NFIB: variants seen among roughly 807,000 people sequenced by gnomAD.
The protein encoded by NFIB is nuclear factor 1 B-type.
In NFIB, 11 loss-of-function variants were observed where a neutral mutation model predicts 61.5. The ratio of observed to expected loss-of-function variants is 0.18; its 90% CI spans 0.11 to 0.30. The LOEUF is 0.30. NFIB is among the 10% of genes least tolerant of loss of function. NFIB has a pLI of 1.00. For missense variants in NFIB, 471 were observed against 608.9 expected (o/e 0.77, Z 2.38); for synonymous variants, 260 against 216.5 (o/e 1.20, Z -1.76).
At chr9:14,262,589 T>A (rs973515672) in intron 2 of NFIB, among the ~76,000 whole-genome samples, 1 of 152,044 alleles carries the variant, frequency 6.6e-6, no homozygotes, top group Non-Finnish European at 1.5e-5. Context: ...AGGGTTAGAA[T>A]TGAGACAAGG....
chr9:14,175,019 T>C (rs1471515121), intron 3 of NFIB, among the ~76,000 whole-genome samples: 1 of 152,094 alleles, frequency 6.6e-6, no homozygotes, highest in Non-Finnish European at 1.5e-5. Context: ...TGACAATGAA[T>C]ACTGAAGATT....
At position 14,157,556 on chromosome 9, in the gene NFIB, C is replaced by T. The variant is rs373877566; in HGVS notation, c.617-1663G>A. On this transcript the variant is annotated intron_variant, in intron 3 of 10. Transcript: ENST00000380953. Reference sequence around the variant, plus strand: ...TATAACAAAATGTCCCAATTTAATGCACTTCTATTTTAAGAAACTCTTATT... The same window carrying T: ...TATAACAAAATGTCCCAATTTAATGTACTTCTATTTTAAGAAACTCTTATT... Among the ~76,000 whole-genome samples, 25 of 152,212 alleles carry T rather than the reference C, an allele frequency of 1.6e-4. No individual in the cohort carries two copies. In the South Asian group the frequency reaches 1.7e-3, roughly 10 times the overall value.
chr9:14,366,512 G>C (rs1415042932), intron 1 of NFIB, among the ~76,000 whole-genome samples: 1 of 151,678 alleles, frequency 6.6e-6, no homozygotes, highest in Middle Eastern at 3.4e-3. Flanking sequence ...TTGAGACAGA[G>C]TCTTGCTCTG....
chr9:14,161,963 G>A (rs1281895529), intron 3 of NFIB, among the ~76,000 whole-genome samples: 4 of 152,116 alleles, frequency 2.6e-5, no homozygotes, highest in Admixed American at 1.3e-4. Flanking sequence ...GTAGGGATTT[G>A]TTTTTAATTG....
intron 2 of NFIB, among the ~76,000 whole-genome samples, chr9:14,254,438 C>A (rs904668288): frequency 4.6e-5 from 7 of 152,206 alleles, no homozygotes; most frequent in Non-Finnish European, 7.3e-5. Flanking sequence ...TAAACACTGA[C>A]TTGATATGGG....
chr9:14,082,993 C>T lies in NFIB; in HGVS notation c.*5316G>A, dbSNP rs960566547. 3.9e-5 allele frequency: 8 copies of T among 204,906 alleles called. No homozygotes were observed. The highest frequency in any genetic ancestry group is 1.5e-4 in the East Asian group (2 of 13,366). 12.7% of individuals were successfully genotyped at this position (204,906 alleles called of 1,614,324 possible). On this transcript the variant is annotated 3_prime_UTR_variant, in exon 11 of 11. Coordinates refer to ENST00000380953, the MANE Select transcript of NFIB (RefSeq NM_001190737.2). ...TCATCAAGGGCTTAGTCTAGTGTACCGGTAAGCTAGTGGCACTGAAGCGCT... is the reference window on the plus strand; with the variant it reads ...TCATCAAGGGCTTAGTCTAGTGTACTGGTAAGCTAGTGGCACTGAAGCGCT...
At chr9:14,119,829 T>C (rs1407829607) in intron 8 of NFIB, among the ~76,000 whole-genome samples, 1 of 151,976 alleles carries the variant, frequency 6.6e-6, no homozygotes, top group Non-Finnish European at 1.5e-5. Flanking sequence ...TCTAGGGGAG[T>C]GAGAAATGCT....
At chr9:14,172,064 T>C (rs1018718975) in intron 3 of NFIB, among the ~76,000 whole-genome samples, 2 of 152,060 alleles carry the variant, frequency 1.3e-5, no homozygotes, top group Non-Finnish European at 2.9e-5. Flanking sequence ...CTAAATCAAA[T>C]AAATATTCAG....
chr9:14,353,099 G>A (rs2061133490), intron 1 of NFIB, among the ~76,000 whole-genome samples: 1 of 152,150 alleles, frequency 6.6e-6, no homozygotes, highest in African/African-American at 2.4e-5. Flanking sequence ...ATGGGTTGGT[G>A]AGAATGGCAG....
chr9:14,230,413 C>T lies in NFIB; in HGVS notation c.563-50633G>A, dbSNP rs182591093. Among the ~76,000 whole-genome samples, 673 of 152,182 alleles carry T rather than the reference C, an allele frequency of 4.4e-3. 2 individuals carry two copies. Among genetic ancestry groups the T allele is most frequent in the Non-Finnish European group, 7.6e-3 (514 of 67,994 alleles). On this transcript the variant is annotated intron_variant, in intron 2 of 10. Transcript: ENST00000380953. ...AAATGCTATGAAGAAACTTAGAGAGCAACAGAAATGCAAAATAAAGGGCGC... is the reference window on the plus strand; with the variant it reads ...AAATGCTATGAAGAAACTTAGAGAGTAACAGAAATGCAAAATAAAGGGCGC...
chr9:14,170,092 T>C (rs772028888), intron 3 of NFIB, among the ~76,000 whole-genome samples: 2 of 152,206 alleles, frequency 1.3e-5, no homozygotes, highest in African/African-American at 2.4e-5. Flanking sequence ...TGCTTAAATA[T>C]ACAAGTGAGA....
At chr9:14,156,573 T>A (rs1035761678) in intron 3 of NFIB, among the ~76,000 whole-genome samples, 1 of 152,194 alleles carries the variant, frequency 6.6e-6, no homozygotes, top group African/African-American at 2.4e-5. Context: ...TGGTGGTGAA[T>A]CCAGGCCTCT....
intron 2 of NFIB, among the ~76,000 whole-genome samples, chr9:14,224,366 G>C (rs572638767): frequency 6.6e-6 from 1 of 152,296 alleles, no homozygotes; most frequent in South Asian, 2.1e-4. Flanking sequence ...GAACTAAAGA[G>C]AATATTTAGA....
Position 14,234,526 on chromosome 9 carries a change from C to G in NFIB, c.563-54746G>C, listed in dbSNP as rs537028011. On this transcript the variant is annotated intron_variant, in intron 2 of 10. Transcript: ENST00000380953. ...CTGGGATTACAGGCACGCACCACCA[C>G]GCCCAGCTAATTTTTGTATTTTTAG... Among the ~76,000 whole-genome samples the G allele has an allele frequency of 2.6e-5, 4 of 151,928 alleles. No individual in the cohort carries two copies. In the East Asian group the frequency reaches 7.7e-4, roughly 29 times the overall value.
chr9:14,356,917 TAGA>T (rs2061182874), intron 1 of NFIB, among the ~76,000 whole-genome samples: 1 of 152,254 alleles, frequency 6.6e-6, no homozygotes, highest in Admixed American at 6.5e-5. Flanking sequence ...CACTGATTTA[TAGA>T]AGCTCACTGA....
chr9:14,225,456 C>CAAAA (rs1228589594), intron 2 of NFIB, among the ~76,000 whole-genome samples: 43 of 57,954 alleles, frequency 7.4e-4, no homozygotes, highest in African/African-American at 1.0e-3. Flanking sequence ...GACTCCGTCT[C>CAAAA]AAAAAAAAAA....
chr9:14,498,239 G>C, the NFIB span, among the ~76,000 whole-genome samples: 1 of 152,190 alleles, frequency 6.6e-6, no homozygotes, highest in African/African-American at 2.4e-5. Context: ...TCCTTGGAAG[G>C]TCAGGAGAAG....
At position 14,082,463 on chromosome 9, in the gene NFIB, A is replaced by C. The variant is rs980593988; in HGVS notation, c.*5846T>G. ...GTTCTATATGATATAAGCACAAATT[A>C]ACAGCTTGATGAAGACATAATCTAC... On this transcript the variant is annotated 3_prime_UTR_variant, in exon 11 of 11. Coordinates refer to ENST00000380953, the MANE Select transcript of NFIB (RefSeq NM_001190737.2). 1 of 204,648 alleles carries C rather than the reference A, an allele frequency of 4.9e-6. No individual in the cohort carries two copies. The highest frequency in any genetic ancestry group is 1.0e-5 in the Non-Finnish European group (1 of 99,760). The allele number at this position is 204,648 out of a possible 1,614,324, so 12.7% of individuals were successfully genotyped here. A position where few individuals can be genotyped will look rare whatever the true frequency, so the allele number is the denominator to read the frequency against.
intron 1 of NFIB, among the ~76,000 whole-genome samples, chr9:14,395,950 G>A (rs1016452869): frequency 3.3e-5 from 5 of 151,882 alleles, no homozygotes; most frequent in African/African-American, 1.2e-4. Flanking sequence ...GGGCACTGCA[G>A]CTGTCAGTGT....
Sources: gnomAD v4.1 joint callset for allele counts (sites outside exome capture counted in the v4.1 genomes callset) on GRCh38, gnomAD v4.1.1 for gene constraint, MANE v1.5 for transcripts, NCBI Gene and HGNC (gene_info 2026-07-23, HGNC 2026-07-21) for gene names.